The following CAST variants were observed in gnomAD, a reference collection of about 807,000 sequenced individuals.
The protein encoded by CAST is calpastatin, also known as MIR583 host.
CAST carries 76 observed loss-of-function variants against 119.6 expected under a neutral mutation model. The ratio of observed to expected loss-of-function variants is 0.64; its 90% CI spans 0.53 to 0.77. The LOEUF (loss-of-function observed/expected upper bound fraction) is 0.77, where lower values mean the gene tolerates loss of function less well. Ranked by LOEUF, CAST falls within the 30% of genes least tolerant of loss-of-function variation. The pLI is 0.00. For synonymous variants in CAST, 319 were observed against 331.6 expected (o/e 0.96, Z 0.41); for missense variants, 953 against 946.5 (o/e 1.01, Z -0.09).
At chr5:96,632,817 G>A (rs1002127327) in intron 1 of CAST, among the ~76,000 whole-genome samples, 2 of 152,124 alleles carry the variant, frequency 1.3e-5, no homozygotes, top group South Asian at 2.1e-4. Context: ...ACAGTAGCAC[G>A]CTGTATTGAT....
chr5:96,425,771 G>T, the CAST span: 15 of 965,588 alleles, frequency 1.6e-5, no homozygotes, highest in Non-Finnish European at 2.0e-5. Context: ...ACAACATAAA[G>T]AAGCCAGGTC....
chr5:96,296,881 A>G, the CAST span, among the ~76,000 whole-genome samples: 1 of 152,218 alleles, frequency 6.6e-6, no homozygotes, highest in East Asian at 1.9e-4. Context: ...TCCCAACTTC[A>G]GATTTCATAA....
chr5:96,015,828 C>T, the CAST span, among the ~76,000 whole-genome samples: 2 of 152,102 alleles, frequency 1.3e-5, no homozygotes, highest in South Asian at 2.1e-4. Flanking sequence ...TTTCTGGAGG[C>T]CACGCACAGC....
the CAST span, among the ~76,000 whole-genome samples, chr5:96,379,984 C>T: frequency 3.9e-5 from 6 of 152,128 alleles, no homozygotes; most frequent in Non-Finnish European, 8.8e-5. Flanking sequence ...CAATGTAGCC[C>T]TCCTTGGTTT....
rs750801510 is a variant in CAST, at chr5:96,742,712, G to A, written c.1156G>A (p.Ala386Thr). Residue 386 changes from alanine (A) to threonine (T), a missense_variant, in exon 16 of 32, where the codon GCA becomes ACA. Physicochemically the swap from Ala to Thr is moderately conservative, Grantham distance 58 (BLOSUM62 0). Coordinates refer to ENST00000675179, the MANE Select transcript of CAST (RefSeq NM_001750.7). ...ALSASLGTRQAEPELDLRSIK... is the reference protein window; with the variant it reads ...ALSASLGTRQTEPELDLRSIK... Reference sequence around the variant, plus strand: ...GTCGGCTTCACTGGGCACCCGGCAAGCAGAACCTGAGCTCGACCTCCGCTC... The same window carrying A: ...GTCGGCTTCACTGGGCACCCGGCAAACAGAACCTGAGCTCGACCTCCGCTC... 2 of 1,613,966 alleles carry A rather than the reference G, an allele frequency of 1.2e-6. No homozygotes were observed. The highest frequency in any genetic ancestry group is 1.3e-5 in the African/African-American group (1 of 74,920).
chr5:96,092,308 TA>T, the CAST span, among the ~76,000 whole-genome samples: 4 of 152,184 alleles, frequency 2.6e-5, no homozygotes, highest in Non-Finnish European at 5.9e-5. Flanking sequence ...TAAAAAGAAA[TA>T]AAAAAATTCT....
intron 29 of CAST, 134 bp from the exon 30 acceptor site, chr5:96,770,397 A>C: frequency 4.9e-6 from 3 of 608,594 alleles, no homozygotes; most frequent in Non-Finnish European, 8.9e-6. Context: ...AAATCATGAA[A>C]AAACACCCAA....
At chr5:96,347,684 A>G in the CAST span, among the ~76,000 whole-genome samples, 2 of 152,126 alleles carry the variant, frequency 1.3e-5, no homozygotes, top group African/African-American at 4.8e-5. Flanking sequence ...AGTCAGCCTT[A>G]TCATCCCACA....
At chr5:96,414,873 A>G in the CAST span, among the ~76,000 whole-genome samples, 1 of 152,228 alleles carries the variant, frequency 6.6e-6, no homozygotes, top group Admixed American at 6.5e-5. Flanking sequence ...CAGGAATGAC[A>G]CTTAAAATTC....
At chr5:96,340,439 C>T in the CAST span, among the ~76,000 whole-genome samples, 2 of 151,934 alleles carry the variant, frequency 1.3e-5, no homozygotes, top group South Asian at 2.1e-4. Flanking sequence ...TTTTTATTTC[C>T]GTTTTTAATG....
At chr5:96,659,276 A>G (rs530447313), upstream of CAST, among the ~76,000 whole-genome samples, 1 of 152,362 alleles carries the variant, frequency 6.6e-6, no homozygotes, top group Non-Finnish European at 1.5e-5. Flanking sequence ...GCTGACAGAC[A>G]TGCTCGAGGC....
At chr5:96,443,243 A>C in the CAST span, among the ~76,000 whole-genome samples, 1 of 152,242 alleles carries the variant, frequency 6.6e-6, no homozygotes, top group African/African-American at 2.4e-5. Flanking sequence ...AGAGCTTATT[A>C]ATGCTGGATT....
chr5:96,639,114 A>G (rs1432730127), intron 1 of CAST, among the ~76,000 whole-genome samples: 2 of 152,166 alleles, frequency 1.3e-5, no homozygotes, highest in African/African-American at 4.8e-5. Context: ...TATAACTCCT[A>G]TTTCTAGACT....
At chr5:96,021,065 A>C in the CAST span, among the ~76,000 whole-genome samples, 1 of 152,126 alleles carries the variant, frequency 6.6e-6, no homozygotes. Flanking sequence ...TTTATTTCCT[A>C]TTTTATTAGA....
chr5:96,492,479 T>G, the CAST span, among the ~76,000 whole-genome samples: 1 of 152,228 alleles, frequency 6.6e-6, no homozygotes, highest in African/African-American at 2.4e-5. Flanking sequence ...GGGGTCTATT[T>G]CTATTCTATT....
the CAST span, among the ~76,000 whole-genome samples, chr5:96,061,676 T>A: frequency 6.6e-6 from 1 of 151,932 alleles, no homozygotes; most frequent in South Asian, 2.1e-4. Flanking sequence ...TGCGTGTGTG[T>A]GTGTAAAGAG....
At chr5:96,534,739 G>GAGAGAA (rs1745757908) in intron 1 of CAST, among the ~76,000 whole-genome samples, 7 of 22,676 alleles carry the variant, frequency 3.1e-4, no homozygotes, top group South Asian at 1.9e-3. Flanking sequence ...GAGAGAGAGA[G>GAGAGAA]AGAAAGAAAG....
chr5:96,204,366 G>A, the CAST span, among the ~76,000 whole-genome samples: 1 of 152,002 alleles, frequency 6.6e-6, no homozygotes, highest in Admixed American at 6.6e-5. Flanking sequence ...TGACCTTTGT[G>A]AGGTGTCTAC....
the CAST span, among the ~76,000 whole-genome samples, chr5:96,227,999 CTCTCTG>C: frequency 6.0e-5 from 8 of 134,344 alleles, no homozygotes; most frequent in African/African-American, 1.7e-4. Context: ...CCCTCTTTCT[CTCTCTG>C]TGTGTGTGTG....
Sources: allele counts gnomAD v4.1 joint callset (sites outside exome capture counted in the v4.1 genomes callset), GRCh38; gene constraint gnomAD v4.1.1; transcripts MANE v1.5; gene names NCBI Gene and HGNC (gene_info 2026-07-23, HGNC 2026-07-21).